RADX: variants seen among roughly 807,000 people sequenced by gnomAD.
RADX encodes the protein RPA1 related single stranded DNA binding protein, X-linked.
A neutral mutation model predicts 61.6 loss-of-function variants in RADX; 36 were observed. The observed-to-expected ratio is 0.58, with a 90% confidence interval of 0.45 to 0.77. The LOEUF (loss-of-function observed/expected upper bound fraction) is 0.77, where lower values mean the gene tolerates loss of function less well. RADX is among the 30% of genes least tolerant of loss of function. The pLI is 0.00. For synonymous variants in RADX, 272 were observed against 237.9 expected (o/e 1.14, Z -1.32); for missense variants, 497 against 651.1 (o/e 0.76, Z 2.58).
At chrX:106,639,774 C>A in intron 9 of RADX, 87 bp downstream of exon 9, 1 of 736,087 alleles carries the variant, frequency 1.4e-6, no homozygotes. Flanking sequence ...ATTCAGAACT[C>A]ACGTGTATTG....
intron 10 of RADX, among the ~76,000 whole-genome samples, chrX:106,642,267 C>A (rs922899448): frequency 1.5e-4 from 17 of 111,010 alleles, no homozygotes; most frequent in African/African-American, 4.9e-4. Context: ...AAATTACACT[C>A]TTTTAGTTAC....
At chrX:106,664,343 A>C (rs5962711) in intron 12 of RADX, among the ~76,000 whole-genome samples, 11,774 of 110,395 alleles carry the variant, frequency 0.11, 1,549 homozygotes, top group African/African-American at 0.37. Context: ...ATTATAAATC[A>C]GATCTCCTGA....
intron 10 of RADX, among the ~76,000 whole-genome samples, chrX:106,646,468 A>G (rs944835694): frequency 9.0e-6 from 1 of 111,649 alleles, no homozygotes; most frequent in African/African-American, 3.2e-5. Context: ...ATACTTTCAT[A>G]GAGAGCTAAG....
chrX:106,644,078 T>G (rs1927596374), intron 10 of RADX, among the ~76,000 whole-genome samples: 1 of 111,366 alleles, frequency 9.0e-6, no homozygotes, highest in Non-Finnish European at 1.9e-5. Flanking sequence ...TTTTCACATT[T>G]TTCACTTTTG....
intron 11 of RADX, among the ~76,000 whole-genome samples, chrX:106,652,118 A>G (rs1382577269): frequency 9.0e-6 from 1 of 111,331 alleles, no homozygotes; most frequent in Non-Finnish European, 1.9e-5. Context: ...TCGTATTCCA[A>G]TCTTAAAAAT....
At chrX:106,642,629 A>G (rs1324193505) in intron 10 of RADX, among the ~76,000 whole-genome samples, 4 of 111,840 alleles carry the variant, frequency 3.6e-5, no homozygotes, top group African/African-American at 1.3e-4. Context: ...TATATGTATC[A>G]CATTTTCTTT....
chrX:106,619,184 T>G (rs1482034252), intron 1 of RADX, among the ~76,000 whole-genome samples: 2 of 111,296 alleles, frequency 1.8e-5, no homozygotes, highest in South Asian at 3.8e-4. Flanking sequence ...TAGATATATA[T>G]GGGGTACATG....
At chrX:106,655,490 C>G (rs1389931271) in intron 11 of RADX, among the ~76,000 whole-genome samples, 1 of 108,733 alleles carries the variant, frequency 9.2e-6, no homozygotes, top group South Asian at 4.1e-4. Flanking sequence ...ATCCCTCCCC[C>G]CACCGCCCAC....
intron 7 of RADX, among the ~76,000 whole-genome samples, chrX:106,636,976 TA>T: frequency 9.0e-6 from 1 of 111,609 alleles, no homozygotes; most frequent in East Asian, 2.8e-4. Context: ...GGTATCATAA[TA>T]TGGATTCTGT....
intron 3 of RADX, 117 bp from the exon 4 acceptor site, chrX:106,632,508 T>C: frequency 2.5e-6 from 1 of 395,671 alleles, no homozygotes; most frequent in Non-Finnish European, 4.4e-6. Context: ...GTCTAGTTCT[T>C]GAGTTTAGTG....
At chrX:106,672,438 A>G (rs1928388857) in intron 13 of RADX, among the ~76,000 whole-genome samples, 1 of 110,653 alleles carries the variant, frequency 9.0e-6, no homozygotes, top group Non-Finnish European at 1.9e-5. Context: ...ACTACCAGGA[A>G]GAAACTCTTG....
intron 2 of RADX, among the ~76,000 whole-genome samples, chrX:106,623,280 A>G (rs1217461235): frequency 9.0e-6 from 1 of 111,359 alleles, no homozygotes; most frequent in African/African-American, 3.3e-5. Flanking sequence ...ATCATTCACT[A>G]GTAACTCTAA....
At chrX:106,635,076 G>A (rs1158623672) in intron 6 of RADX, among the ~76,000 whole-genome samples, 5 of 111,604 alleles carry the variant, frequency 4.5e-5, no homozygotes, top group Admixed American at 1.9e-4. Context: ...GGGGCTTCAG[G>A]CCCAAGAAGG....
intron 3 of RADX, among the ~76,000 whole-genome samples, chrX:106,625,592 T>C (rs920691992): frequency 1.8e-5 from 2 of 111,902 alleles, no homozygotes; most frequent in Non-Finnish European, 3.8e-5. Context: ...AACGAATATA[T>C]TTTGCACTTA....
intron 3 of RADX, 37 bp downstream of exon 3, chrX:106,625,319 T>G: frequency 1.0e-6 from 1 of 987,031 alleles, no homozygotes. Context: ...TTATCGCTGT[T>G]TTGTTTATAT....
intron 2 of RADX, among the ~76,000 whole-genome samples, chrX:106,623,794 A>G (rs957993701): frequency 9.0e-6 from 1 of 111,547 alleles, no homozygotes; most frequent in Non-Finnish European, 1.9e-5. Flanking sequence ...TTTCTTAAAT[A>G]TTTTCTCATA....
At position 106,639,748 on chromosome X, in the gene RADX, G is replaced by T. The variant is rs1927457566; in HGVS notation, c.1734+61G>T. 4.3e-6 allele frequency: 4 copies of T among 927,148 alleles called. No homozygotes were observed. In the South Asian group the frequency reaches 9.5e-5, roughly 22 times the overall value. The allele number at this position is 927,148 out of a possible 1,213,427, so 76.4% of individuals were successfully genotyped here. A position where few individuals can be genotyped will look rare whatever the true frequency, so the allele number is the denominator to read the frequency against. ...AGCACTGTGATTATGATTGCAATTG[G>T]TACCTTTTACATTTTATTCAGAACT... On this transcript the variant is annotated intron_variant, in intron 9 of 13. Transcript: ENST00000372548.
chrX:106,674,574 T>C (rs1166830631), intron 13 of RADX, among the ~76,000 whole-genome samples: 1 of 112,234 alleles, frequency 8.9e-6, no homozygotes, highest in Admixed American at 9.4e-5. Context: ...AAGCATCTTT[T>C]CATGTGCTTG....
intron 12 of RADX, among the ~76,000 whole-genome samples, chrX:106,665,038 T>C (rs1280690371): frequency 5.4e-5 from 6 of 112,128 alleles, no homozygotes; most frequent in Non-Finnish European, 1.1e-4. Flanking sequence ...GAATATCGGA[T>C]GTGACAGTGC....
Sources: gnomAD v4.1 joint callset for allele counts (sites outside exome capture counted in the v4.1 genomes callset) on GRCh38, gnomAD v4.1.1 for gene constraint, MANE v1.5 for transcripts, NCBI Gene and HGNC (gene_info 2026-07-23, HGNC 2026-07-21) for gene names.